Variants in EPHB1 observed in about 807,000 individuals in gnomAD.
EPHB1 encodes EPH receptor B1.
In EPHB1, 30 loss-of-function variants were observed where a neutral mutation model predicts 94.4. The observed-to-expected ratio is 0.32, with a 90% CI of 0.24 to 0.43. EPHB1 has a LOEUF of 0.43. Ranked by LOEUF, EPHB1 falls within the 20% of genes least tolerant of loss-of-function variation. The pLI, the probability that EPHB1 is intolerant of heterozygous loss-of-function variation, is 1.00. For missense variants in EPHB1, 1,055 were observed against 1,308.3 expected, an observed-to-expected ratio of 0.81 and a Z score of 2.99; for synonymous variants, 522 against 489.1, an observed-to-expected ratio of 1.07 and a Z score of -0.89.
intron 1 of EPHB1, among the ~76,000 whole-genome samples, chr3:134,858,860 G>A (rs1578143743): frequency 2.0e-5 from 3 of 152,326 alleles, no homozygotes; most frequent in Non-Finnish European, 4.4e-5. Flanking sequence ...CCTCAGTAGA[G>A]TCCCGCAGGG....
At chr3:135,255,345 T>A (rs961651353) in intron 15 of EPHB1, among the ~76,000 whole-genome samples, 3 of 151,562 alleles carry the variant, frequency 2.0e-5, no homozygotes, top group African/African-American at 7.3e-5. Context: ...CTTTCTCTTG[T>A]GGGCATTTAG....
chr3:135,247,260 T>C lies in EPHB1; in HGVS notation c.2497-1056T>C, dbSNP rs952878772. 3.9e-5 allele frequency among the ~76,000 whole-genome samples: 6 copies of C among 152,330 alleles called. No homozygotes were observed. The East Asian group carries it at 9.6e-4, about 24-fold the overall frequency. On this transcript the variant is annotated intron_variant, in intron 13 of 15. Transcript: ENST00000398015. Reference sequence around the variant, plus strand: ...CCTTCCAAGGTCTTTTCTATGCATGTCTATAATAGTTGGTTTTTGTTTTTT... The same window carrying C: ...CCTTCCAAGGTCTTTTCTATGCATGCCTATAATAGTTGGTTTTTGTTTTTT...
chr3:134,846,871 T>C lies in EPHB1; in HGVS notation c.58+51182T>C, dbSNP rs369513284. Among the ~76,000 whole-genome samples the C allele has an allele frequency of 7.4e-4, 112 of 151,814 alleles. 1 individual carries two copies. In the South Asian group the frequency reaches 0.016, roughly 22 times the overall value. Reference sequence around the variant, plus strand: ...GGCCGGGAGGGTCATGTGATGGGAGTCAAGGCAAAAACAAAAGAATCCATT... The same window carrying C: ...GGCCGGGAGGGTCATGTGATGGGAGCCAAGGCAAAAACAAAAGAATCCATT... On this transcript the variant is annotated intron_variant, in intron 1 of 15. Coordinates refer to ENST00000398015, the MANE Select transcript of EPHB1 (RefSeq NM_004441.5).
chr3:135,233,881 C>T (rs556718834), intron 12 of EPHB1, among the ~76,000 whole-genome samples: 1 of 149,778 alleles, frequency 6.7e-6, no homozygotes, highest in African/African-American at 2.5e-5. Context: ...TGTACCTTGA[C>T]CCCTTTTGGC....
chr3:134,999,562 G>C (rs990306428), intron 3 of EPHB1, among the ~76,000 whole-genome samples: 1 of 152,206 alleles, frequency 6.6e-6, no homozygotes, highest in African/African-American at 2.4e-5. Context: ...AGGTGAGAAG[G>C]AAAGACGGTG....
At chr3:135,156,789 CTAGA>C (rs1941369764) in intron 6 of EPHB1, among the ~76,000 whole-genome samples, 1 of 152,174 alleles carries the variant, frequency 6.6e-6, no homozygotes, top group Non-Finnish European at 1.5e-5. Context: ...CTCTTACTTG[CTAGA>C]TATTTTTTGT....
Position 134,885,974 on chromosome 3 carries a change from A to C in EPHB1, c.59-39842A>C, listed in dbSNP as rs11926890. Among the ~76,000 whole-genome samples the C allele has an allele frequency of 2.8e-3, 428 of 152,340 alleles. 2 individuals are homozygous for C. The highest frequency in any genetic ancestry group is 9.9e-3 in the African/African-American group (412 of 41,572). The stretch of plus-strand genomic sequence containing the variant: ...CTGAGCAGTGTTGGAGGCTAAATCC[A>C]CATACCAAGTGATGCCTCATGGAGC... On this transcript the variant is annotated intron_variant, in intron 1 of 15. Coordinates refer to ENST00000398015, the MANE Select transcript of EPHB1 (RefSeq NM_004441.5).
chr3:135,064,357 T>C (rs1390599430), intron 3 of EPHB1, among the ~76,000 whole-genome samples: 1 of 152,138 alleles, frequency 6.6e-6, no homozygotes, highest in African/African-American at 2.4e-5. Flanking sequence ...AATTTTTAAA[T>C]TACCATTTCA....
At chr3:135,216,863 G>A (rs574754639) in intron 12 of EPHB1, among the ~76,000 whole-genome samples, 18 of 152,160 alleles carry the variant, frequency 1.2e-4, no homozygotes, top group Non-Finnish European at 2.4e-4. Flanking sequence ...TGTTAACTGG[G>A]GTGAATCTCA....
intron 4 of EPHB1, among the ~76,000 whole-genome samples, chr3:135,109,286 T>G (rs1341631172): frequency 6.6e-6 from 1 of 152,220 alleles, no homozygotes. Flanking sequence ...GACAAAAGTT[T>G]CAAACTTGAT....
chr3:134,869,459 C>A (rs574151124), intron 1 of EPHB1, among the ~76,000 whole-genome samples: 2 of 152,122 alleles, frequency 1.3e-5, no homozygotes, highest in Non-Finnish European at 2.9e-5. Flanking sequence ...TTCATGCTCT[C>A]CCAGGAAGAG....
Position 135,259,183 on chromosome 3 carries a change from T to C in EPHB1, c.*63T>C, listed in dbSNP as rs1933544633. ...GACCAGGGTCAAGGGGGACCAGAGG[T>C]TGACCACTGTGGAATGTACTGGAGA... On this transcript the variant is annotated 3_prime_UTR_variant, in exon 16 of 16. Coordinates refer to ENST00000398015, the MANE Select transcript of EPHB1 (RefSeq NM_004441.5). 1.5e-6 allele frequency: 2 copies of C among 1,309,544 alleles called. No individual in the cohort carries two copies. The highest frequency in any genetic ancestry group is 2.2e-6 in the Non-Finnish European group (2 of 927,020). The allele number at this position is 1,309,544 out of a possible 1,614,324, so 81.1% of individuals were successfully genotyped here. A position where few individuals can be genotyped will look rare whatever the true frequency, so the allele number is the denominator to read the frequency against.
intron 1 of EPHB1, among the ~76,000 whole-genome samples, chr3:134,906,883 GTGT>G (rs1468192441): frequency 3.3e-5 from 5 of 152,208 alleles, no homozygotes; most frequent in African/African-American, 1.2e-4. Context: ...TCAACTGATG[GTGT>G]TGTGTTCAGT....
At chr3:135,179,548 C>G (rs1576449551) in intron 9 of EPHB1, among the ~76,000 whole-genome samples, 2 of 152,196 alleles carry the variant, frequency 1.3e-5, no homozygotes, top group South Asian at 2.1e-4. Context: ...GCTTCCTTGC[C>G]TTCTGTGAGC....
chr3:134,796,450 A>G (rs2035828988), intron 1 of EPHB1: 2 of 152,118 alleles, frequency 1.3e-5, no homozygotes, highest in East Asian at 3.9e-4. Flanking sequence ...CGGAGAGGAT[A>G]CTCGGCGGCC....
chr3:135,070,598 G>C (rs1937672088), intron 3 of EPHB1, among the ~76,000 whole-genome samples: 2 of 152,156 alleles, frequency 1.3e-5, no homozygotes, highest in African/African-American at 4.8e-5. Flanking sequence ...TTTTTCATCA[G>C]TTCAGGGCAT....
chr3:135,053,011 A>T (rs1937229116), intron 3 of EPHB1, among the ~76,000 whole-genome samples: 1 of 34,154 alleles, frequency 2.9e-5, no homozygotes, highest in Non-Finnish European at 5.1e-5. Context: ...GTGTGTATAT[A>T]TATGTGTGTG....
chr3:135,207,349 G>T (rs1264958288), intron 12 of EPHB1, among the ~76,000 whole-genome samples: 1 of 152,036 alleles, frequency 6.6e-6, no homozygotes, highest in African/African-American at 2.4e-5. Context: ...AATTATTTTT[G>T]ATTATTAAGC....
At chr3:135,053,289 TATC>T (rs1292904655) in intron 3 of EPHB1, among the ~76,000 whole-genome samples, 1 of 151,844 alleles carries the variant, frequency 6.6e-6, no homozygotes, top group Non-Finnish European at 1.5e-5. Context: ...TCTAACAAAA[TATC>T]ATATGGAGCC....
Sources: allele counts gnomAD v4.1 joint callset (sites outside exome capture counted in the v4.1 genomes callset), GRCh38; gene constraint gnomAD v4.1.1; transcripts MANE v1.5; gene names NCBI Gene and HGNC (gene_info 2026-07-23, HGNC 2026-07-21).